The following CHD8 variants were observed in gnomAD, a reference collection of about 807,000 sequenced individuals.
The protein encoded by CHD8 is chromodomain helicase DNA binding protein 8.
A neutral mutation model predicts 279.2 loss-of-function variants in CHD8; 31 were observed. That is an observed-to-expected ratio of 0.11 (90% CI 0.08 to 0.15). CHD8 has a LOEUF of 0.15. Ranked by LOEUF, CHD8 falls within the 10% of genes least tolerant of loss-of-function variation. The pLI is 1.00. For missense variants in CHD8, 2,146 were observed against 3,230.5 expected (o/e 0.66, Z 8.14); for synonymous variants, 1,081 against 1,139.6 (o/e 0.95, Z 1.04).
chr14:21,386,047 T>C lies in CHD8; in HGVS notation c.7312A>G (p.Thr2438Ala). The C allele has an allele frequency of 3.1e-6, 5 of 1,594,374 alleles. No homozygotes were observed. The highest frequency in any genetic ancestry group is 4.3e-6 in the Non-Finnish European group (5 of 1,170,164). The change falls in exon 38 of 38, where the codon ACT becomes GCT. Residue 2438 changes from threonine (T) to alanine (A), a missense_variant. Physicochemically the swap from Thr to Ala is moderately conservative, Grantham distance 58 (BLOSUM62 0). This residue lies in a region of CHD8 where 336 missense variants were observed against 392.9 expected (regional missense o/e 0.86). Coordinates refer to ENST00000646647, the MANE Select transcript of CHD8 (RefSeq NM_001170629.2). ...KMMALMQGGS[T>A]GSLSLHNTFQ... The stretch of plus-strand genomic sequence containing the variant: ...GTGTTATGCAGAGATAGAGACCCAG[T>C]GCTTCCACCCTGCATGAGGGCCATC...
intron 32 of CHD8, 94 bp from the exon 33 acceptor site, chr14:21,393,348 A>G (rs1323821304): frequency 1.3e-6 from 2 of 1,547,400 alleles, no homozygotes; most frequent in Non-Finnish European, 1.7e-6. Flanking sequence ...AGGCCCAAAG[A>G]ATGGCACTCT....
At position 21,405,943 on chromosome 14, in the gene CHD8, T is replaced by A; in HGVS notation, c.2908-79A>T. 9.6e-7 allele frequency: 1 copy of A among 1,039,086 alleles called. No individual in the cohort carries two copies. Among genetic ancestry groups the A allele is most frequent in the Non-Finnish European group, 1.4e-6 (1 of 728,178 alleles). 64.4% of individuals were successfully genotyped at this position (1,039,086 alleles called of 1,614,324 possible). ...GGTTTCCTATCAAGTATATAATCTTTAACATATATAACCTTTAATTTCTTT... is the reference window on the plus strand; with the variant it reads ...GGTTTCCTATCAAGTATATAATCTTAAACATATATAACCTTTAATTTCTTT... On this transcript the variant is annotated intron_variant, in intron 14 of 37. Coordinates refer to ENST00000646647, the MANE Select transcript of CHD8 (RefSeq NM_001170629.2). This position sits in a 1 kb window ranked among gnomAD's most constrained non-coding sequence, Gnocchi z 4.2.
At chr14:21,425,027 A>T (rs1889245521) in intron 5 of CHD8, among the ~76,000 whole-genome samples, 1 of 152,174 alleles carries the variant, frequency 6.6e-6, no homozygotes, top group Non-Finnish European at 1.5e-5. Context: ...ACTAGAGCCA[A>T]AGATGGTACC....
At chr14:21,430,515 T>C in intron 2 of CHD8, 1 of 321,606 alleles carries the variant, frequency 3.1e-6, no homozygotes, top group Non-Finnish European at 5.8e-6. Context: ...TTAATATCTG[T>C]CTTTCCTGGC....
Position 21,412,808 on chromosome 14 carries a change from C to T in CHD8, c.2226+105G>A, listed in dbSNP as rs116179240. The T allele has an allele frequency of 0.026, 18,321 of 714,172 alleles. 309 individuals are homozygous for T. The highest frequency in any genetic ancestry group is 0.065 in the African/African-American group (3,699 of 56,676). The allele number at this position is 714,172 out of a possible 1,614,324, so 44.2% of individuals were successfully genotyped here. ...ACAGAAAAATTTAGAAATACCTTTT[C>T]AGTCCAAGGGATTCTGCATCCATAC... On this transcript the variant is annotated intron_variant, in intron 10 of 37. Transcript: ENST00000646647.
chr14:21,400,327 A>G lies in CHD8; in HGVS notation c.4571-20T>C. ...ATAGACCTGGGAAAGGGGAGACATC[A>G]AAGACTTGGATTGAGAAAAACCCTT... On this transcript the variant is annotated intron_variant, in intron 23 of 37. Transcript: ENST00000646647. The surrounding 1 kb of genome is among the most constrained non-coding windows in gnomAD (Gnocchi z 4.2). 1 of 1,613,436 alleles carries G rather than the reference A, an allele frequency of 6.2e-7. No homozygotes were observed. Among genetic ancestry groups the G allele is most frequent in the Middle Eastern group, 1.7e-4 (1 of 6,054 alleles).
rs751773278 is a variant in CHD8 at position 21,394,954 on chromosome 14, G to T, written c.5348C>A (p.Ala1783Asp). ...GDRRRRRCEA[A>D]FKLKEIARRE... Reference sequence around the variant, plus strand: ...CCGTGCAATTTCTTTCAGCTTGAAGGCTGCTTCACAACGCCGCCTTCGCCG... The same window carrying T: ...CCGTGCAATTTCTTTCAGCTTGAAGTCTGCTTCACAACGCCGCCTTCGCCG... The change falls in exon 30 of 38, where the codon GCC becomes GAC. Residue 1783 changes from alanine to aspartate, a missense_variant. By Grantham distance (126) the Ala-to-Asp change is moderately radical. This residue lies in a region of CHD8 where 513 missense variants were observed against 637.6 expected (regional missense o/e 0.80). Coordinates refer to ENST00000646647, the MANE Select transcript of CHD8 (RefSeq NM_001170629.2). 3.7e-6 allele frequency: 6 copies of T among 1,613,848 alleles called. No homozygotes were observed. The highest frequency in any genetic ancestry group is 1.7e-5 in the Admixed American group (1 of 59,996).
chr14:21,400,233 C>T lies in CHD8; in HGVS notation c.4645G>A (p.Ala1549Thr). ...KSQSTFDIHK[A>T]DWIRKYNPDT... ...GGGTTATATTTCCGGATCCAATCTG[C>T]CTTATGGATATCAAAAGTGCTTTGT... is the stretch of plus-strand genomic sequence containing the variant. Residue 1549 changes from alanine to threonine, a missense_variant, in exon 24 of 38, where the codon GCA becomes ACA. This residue lies in a region of CHD8 where 73 missense variants were observed against 153.2 expected (regional missense o/e 0.48). Transcript: ENST00000646647. This position sits in a 1 kb window ranked among gnomAD's most constrained non-coding sequence, Gnocchi z 4.2. 6.2e-7 allele frequency: 1 copy of T among 1,613,882 alleles called. No homozygotes were observed. The highest frequency in any genetic ancestry group is 2.2e-5 in the East Asian group (1 of 44,878).
rs761416213 is a variant in CHD8 at position 21,428,260 on chromosome 14, G to A, written c.1216-6C>T. On this transcript the variant is annotated splice_polypyrimidine_tract_variant and splice_region_variant and intron_variant, in intron 3 of 37. Transcript: ENST00000646647. Reference sequence around the variant, plus strand: ...GCCCCTTGGGAAGAGCCAGCCTATAGAAACAAAGATACTACAATTTCAACT... The same window carrying A: ...GCCCCTTGGGAAGAGCCAGCCTATAAAAACAAAGATACTACAATTTCAACT... 7 of 1,611,820 alleles carry A rather than the reference G, an allele frequency of 4.3e-6. No individual in the cohort carries two copies. Among genetic ancestry groups the A allele is most frequent in the Middle Eastern group, 1.7e-4 (1 of 6,034 alleles).
chr14:21,455,486 C>A (rs1369955219), intron 1 of CHD8, among the ~76,000 whole-genome samples: 1 of 152,170 alleles, frequency 6.6e-6, no homozygotes, highest in Non-Finnish European at 1.5e-5. Flanking sequence ...TCTAAACATT[C>A]TCCAACAGCC....
At chr14:21,448,864 A>G (rs1277819738) in intron 1 of CHD8, among the ~76,000 whole-genome samples, 1 of 141,430 alleles carries the variant, frequency 7.1e-6, no homozygotes, top group Non-Finnish European at 1.5e-5. Flanking sequence ...CGCCTGGACC[A>G]GCACTGAACT....
In CHD8 at chr14:21,394,933, G is replaced by A; in HGVS notation, c.5369C>T (p.Ala1790Val). The change falls in exon 30 of 38, where the codon GCA becomes GTA. Residue 1790 changes from alanine to valine, a missense_variant. Physicochemically the swap from Ala to Val is moderately conservative, Grantham distance 64 (BLOSUM62 0). Transcript: ENST00000646647. ...TTACCGTTGTTGTTTCTCCCGCCGT[G>A]CAATTTCTTTCAGCTTGAAGGCTGC... ...CEAAFKLKEI[A>V]RREKQQRWTR... The A allele has an allele frequency of 6.2e-7, 1 of 1,613,896 alleles. No homozygotes were observed. The highest frequency in any genetic ancestry group is 8.5e-7 in the Non-Finnish European group (1 of 1,179,814).
intron 1 of CHD8, among the ~76,000 whole-genome samples, chr14:21,440,382 T>C (rs1889926330): frequency 1.3e-5 from 2 of 152,096 alleles, no homozygotes; most frequent in Admixed American, 6.6e-5. Context: ...AATTTTTGTA[T>C]TTTTAGTAGA....
intron 1 of CHD8, among the ~76,000 whole-genome samples, chr14:21,434,243 C>T (rs547556780): frequency 4.2e-4 from 64 of 152,112 alleles, no homozygotes; most frequent in South Asian, 1.9e-3. Flanking sequence ...CAGGTTTTCG[C>T]CACGTTAGTC....
chr14:21,402,977 A>G lies in CHD8; in HGVS notation c.3714+40T>C. 6.6e-7 allele frequency: 1 copy of G among 1,510,048 alleles called. No individual in the cohort carries two copies. The highest frequency in any genetic ancestry group is 1.2e-5 in the South Asian group (1 of 85,456). The allele number at this position is 1,510,048 out of a possible 1,614,324, so 93.5% of individuals were successfully genotyped here. A position where few individuals can be genotyped will look rare whatever the true frequency, so the allele number is the denominator to read the frequency against. ...TCCTATTCTTGTTGAAAAATCTCCC[A>G]AGTTAGGTAGTTAGTCCCTAAGACA... On this transcript the variant is annotated intron_variant, in intron 18 of 37. Coordinates refer to ENST00000646647, the MANE Select transcript of CHD8 (RefSeq NM_001170629.2). This position sits in a 1 kb window ranked among gnomAD's most constrained non-coding sequence, Gnocchi z 4.5.
At chr14:21,448,357 T>G (rs374514595) in intron 1 of CHD8, among the ~76,000 whole-genome samples, 6 of 152,244 alleles carry the variant, frequency 3.9e-5, no homozygotes, top group African/African-American at 1.4e-4. Context: ...GTATTTCACA[T>G]AATCTTATCT....
intron 34 of CHD8, 142 bp downstream of exon 34, chr14:21,392,365 C>T (rs1887586379): frequency 3.5e-6 from 3 of 865,040 alleles, no homozygotes; most frequent in Admixed American, 4.6e-5. Flanking sequence ...AATGATTCTT[C>T]CTAAATGGAT....
rs143655868 is a variant in CHD8, at chr14:21,401,719, G to A, written c.4063-206C>T. The A allele has an allele frequency of 9.1e-4, 527 of 581,770 alleles. 4 individuals carry two copies. The highest frequency in any genetic ancestry group is 7.7e-3 in the African/African-American group (406 of 52,814). The allele number at this position is 581,770 out of a possible 1,614,324, so 36.0% of individuals were successfully genotyped here. Reference sequence around the variant, plus strand: ...CCTGCCTCAGCCTCCCGAGTAGCTGGGACGACAGGCGCAAGCCACCATTCC... The same window carrying A: ...CCTGCCTCAGCCTCCCGAGTAGCTGAGACGACAGGCGCAAGCCACCATTCC... On this transcript the variant is annotated intron_variant, in intron 20 of 37. Coordinates refer to ENST00000646647, the MANE Select transcript of CHD8 (RefSeq NM_001170629.2).
chr14:21,416,044 G>A (rs528150109), intron 5 of CHD8, 137 bp from the exon 6 acceptor site: 42 of 713,912 alleles, frequency 5.9e-5, no homozygotes, highest in Admixed American at 2.8e-4. Flanking sequence ...ATGATAAGGA[G>A]ATTATCTGTC....
Sources: gnomAD v4.1 joint callset for allele counts (sites outside exome capture counted in the v4.1 genomes callset) on GRCh38, gnomAD v4.1.1 for gene constraint, gnomAD v4.1.1 regional missense constraint, Gnocchi (gnomAD v3.1) non-coding constraint, MANE v1.5 for transcripts, NCBI Gene and HGNC (gene_info 2026-07-23, HGNC 2026-07-21) for gene names.